PCLO: variants seen among roughly 807,000 people sequenced by gnomAD.
PCLO encodes the protein protein piccolo.
A neutral mutation model predicts 427.5 loss-of-function variants in PCLO; 82 were observed. The observed-to-expected ratio is 0.19, with a 90% CI of 0.16 to 0.23. The LOEUF (loss-of-function observed/expected upper bound fraction) is 0.23. Among genes scored for constraint, PCLO ranks in the 10% least tolerant of loss-of-function variants. The pLI is 1.00. For missense variants in PCLO, 6,239 were observed against 6,115.9 expected (o/e 1.02, Z -0.67); for synonymous variants, 2,357 against 2,155.4 (o/e 1.09, Z -2.59).
Position 83,135,203 on chromosome 7 carries a change from C to T in PCLO, c.2347G>A (p.Val783Ile). Residue 783 changes from valine to isoleucine, a missense_variant, in exon 3 of 25, where the codon GTA becomes ATA. Transcript: ENST00000333891. ...GTTTTCTCTTCAGCTTGTGACTGTA[C>T]TTTGGAGCTTGGAATATCAGGTTTT... ...TTKPDIPSSK[V>I]QSQAEEKTTP... The T allele has an allele frequency of 6.2e-7, 1 of 1,613,784 alleles. No homozygotes were observed. Among genetic ancestry groups the T allele is most frequent in the South Asian group, 1.1e-5 (1 of 91,066 alleles).
intron 3 of PCLO, among the ~76,000 whole-genome samples, chr7:83,102,479 T>C (rs1010922465): frequency 6.6e-6 from 1 of 151,930 alleles, no homozygotes; most frequent in African/African-American, 2.4e-5. Context: ...CACACAAATA[T>C]ATAGAATACT....
intron 9 of PCLO, among the ~76,000 whole-genome samples, chr7:82,896,165 T>G (rs1175161573): frequency 6.6e-6 from 1 of 151,866 alleles, no homozygotes; most frequent in Non-Finnish European, 1.5e-5. Context: ...AACCAGAAAT[T>G]TTATGTCTAG....
At position 82,954,288 on chromosome 7, in the gene PCLO, T is replaced by C; in HGVS notation, c.6665A>G (p.Asp2222Gly). 1 of 1,613,760 alleles carries C rather than the reference T, an allele frequency of 6.2e-7. No homozygotes were observed. The highest frequency in any genetic ancestry group is 1.3e-5 in the African/African-American group (1 of 75,046). Residue 2222 changes from aspartate (D) to glycine (G), a missense_variant, in exon 5 of 25, where the codon GAT becomes GGT. Transcript: ENST00000333891. ...AGTTGATGAAGAAATTTCCTCAGAA[T>C]CTTCAAATTTAGTTATCATGTCCAC... ...EPVDMITKFE[D>G]SEEISSSTYF...
At chr7:82,899,452 T>A (rs74445322) in intron 9 of PCLO, among the ~76,000 whole-genome samples, 5,085 of 151,532 alleles carry the variant, frequency 0.034, 301 homozygotes, top group African/African-American at 0.11. Context: ...AGAAGTAGAA[T>A]ATAAAATGCA....
In PCLO at chr7:83,155,694, G is replaced by A; in HGVS notation, c.947C>T (p.Ala316Val). 5 of 1,614,004 alleles carry A rather than the reference G, an allele frequency of 3.1e-6. No homozygotes were observed. The highest frequency in any genetic ancestry group is 4.2e-6 in the Non-Finnish European group (5 of 1,179,868). Residue 316 changes from alanine (A) to valine (V), a missense_variant, in exon 2 of 25, where the codon GCA becomes GTA. By Grantham distance (64) the Ala-to-Val change is moderately conservative (BLOSUM62 0). Transcript: ENST00000333891. Reference protein sequence around the residue: ...IQQPTPGKPPAQQPGHEKSQP... With the variant: ...IQQPTPGKPPVQQPGHEKSQP... ...TGATTTTTCATGTCCAGGCTGCTGTGCTGGAGGTTTTCCAGGAGTTGGTTG... is the reference window on the plus strand; with the variant it reads ...TGATTTTTCATGTCCAGGCTGCTGTACTGGAGGTTTTCCAGGAGTTGGTTG...
chr7:82,953,246 T>G lies in PCLO; in HGVS notation c.7707A>C (p.Ser2569=). Residue 2569 remains serine, a synonymous_variant, in exon 5 of 25, where the codon TCA becomes TCC. Transcript: ENST00000333891. ...CTGTGAGGGATTTGGAAAATCTTGG[T>G]GAAGACTTGTTGGAGTGTGGGGAAA... is the stretch of plus-strand genomic sequence containing the variant. ...SPLSPHSNKS[S]PRFSKSLTET... 6.2e-7 allele frequency: 1 copy of G among 1,613,934 alleles called. No individual in the cohort carries two copies. The highest frequency in any genetic ancestry group is 8.5e-7 in the Non-Finnish European group (1 of 1,179,844).
Position 82,965,824 on chromosome 7 carries a change from G to T in PCLO, c.3964C>A (p.Gln1322Lys), listed in dbSNP as rs1424861906. 1.2e-6 allele frequency: 2 copies of T among 1,613,718 alleles called. No individual in the cohort carries two copies. The highest frequency in any genetic ancestry group is 4.5e-5 in the East Asian group (2 of 44,876). ...KTTKTIKEQP[Q>K]PPCTAKPDQV... ...TCAGGTTTTGCTGTGCATGGTGGCT[G>T]TGGCTGTTCTTTTATTGTTTTGGTT... Residue 1322 changes from glutamine (Q) to lysine (K), a missense_variant, in exon 4 of 25, where the codon CAG becomes AAG. By Grantham distance (53) the Gln-to-Lys change is moderately conservative. This residue lies in a region of PCLO where 4,677 missense variants were observed against 4,468.4 expected (regional missense o/e 1.05). Transcript: ENST00000333891.
Position 82,846,568 on chromosome 7 carries a change from A to G in PCLO, c.13830T>C (p.Ala4610=). 6.2e-7 allele frequency: 1 copy of G among 1,600,068 alleles called. No individual in the cohort carries two copies. The highest frequency in any genetic ancestry group is 1.1e-5 in the South Asian group (1 of 89,900). The change falls in exon 12 of 25, where the codon GCT becomes GCC. Residue 4610 remains alanine, a splice_region_variant and synonymous_variant. Coordinates refer to ENST00000333891, the MANE Select transcript of PCLO (RefSeq NM_033026.6). ...TGAAACTAGATTTCTTTTACCTACC[A>G]GCTTTTGGTGGCTCATGAAGTTCCA... ...QHLELHEPPK[A]VDKAKSPGVD...
chr7:82,888,280 C>T (rs971890440), intron 9 of PCLO, among the ~76,000 whole-genome samples: 2 of 151,900 alleles, frequency 1.3e-5, no homozygotes, highest in South Asian at 2.1e-4. Flanking sequence ...TGGTCTTCCA[C>T]GAGAAGCAGA....
rs757269361 is a variant in PCLO, at chr7:83,134,811, A to G, written c.2739T>C (p.Thr913=). 3.7e-6 allele frequency: 6 copies of G among 1,613,690 alleles called. No homozygotes were observed. Among genetic ancestry groups the G allele is most frequent in the East Asian group, 2.2e-5 (1 of 44,876 alleles). Residue 913 remains threonine, a synonymous_variant, in exon 3 of 25, where the codon ACT becomes ACC. Transcript: ENST00000333891. The part of the protein sequence containing the change: ...RRFSLNLGSI[T]DAPKSQPTTP... ...TTGTAGGCTGTGATTTGGGGGCATC[A>G]GTAATACTTCCCAGATTCAGACTGA...
At chr7:82,959,790 A>AT (rs35580569) in intron 4 of PCLO, among the ~76,000 whole-genome samples, 13 of 151,986 alleles carry the variant, frequency 8.6e-5, no homozygotes, top group African/African-American at 2.9e-4. Context: ...TGCTGCAATG[A>AT]TTTTTTTTCC....
At chr7:83,142,574 T>C (rs1198913384) in intron 2 of PCLO, among the ~76,000 whole-genome samples, 4 of 152,230 alleles carry the variant, frequency 2.6e-5, no homozygotes, top group African/African-American at 4.8e-5. Flanking sequence ...AGTACCATTA[T>C]ACCCCGAACC....
chr7:82,958,269 A>G (rs1795575028), intron 4 of PCLO, among the ~76,000 whole-genome samples: 1 of 151,800 alleles, frequency 6.6e-6, no homozygotes, highest in Non-Finnish European at 1.5e-5. Context: ...TTGCACAACA[A>G]ACATACTCCT....
chr7:83,027,419 C>A (rs1366496606), intron 3 of PCLO, among the ~76,000 whole-genome samples: 2 of 152,020 alleles, frequency 1.3e-5, no homozygotes, highest in African/African-American at 2.4e-5. Flanking sequence ...GAAGTTGAAT[C>A]TCTGAATAGA....
intron 3 of PCLO, among the ~76,000 whole-genome samples, chr7:83,121,279 T>G (rs947576506): frequency 2.6e-5 from 4 of 152,196 alleles, no homozygotes; most frequent in African/African-American, 9.7e-5. Flanking sequence ...CTTGTTTGTT[T>G]GTTGTTGCTA....
chr7:82,918,397 T>G (rs1412056492), intron 6 of PCLO, among the ~76,000 whole-genome samples: 1 of 152,004 alleles, frequency 6.6e-6, no homozygotes, highest in East Asian at 1.9e-4. Flanking sequence ...ATCTCTATAT[T>G]TCTATAGAAA....
At chr7:83,135,852 C>A (rs1382921904) in intron 2 of PCLO, among the ~76,000 whole-genome samples, 196 bp from the exon 3 acceptor site, 1 of 152,004 alleles carries the variant, frequency 6.6e-6, no homozygotes, top group African/African-American at 2.4e-5. Flanking sequence ...GTAATCCCAG[C>A]ACATTGGGAG....
At chr7:83,071,604 G>A (rs185831688) in intron 3 of PCLO, among the ~76,000 whole-genome samples, 1 of 152,118 alleles carries the variant, frequency 6.6e-6, no homozygotes. Flanking sequence ...CAGTCAGGCA[G>A]ATGGGAGCAC....
At chr7:82,821,685 C>T (rs1791795868) in intron 20 of PCLO, 2 of 978,396 alleles carry the variant, frequency 2.0e-6, no homozygotes, top group Non-Finnish European at 2.4e-6. Flanking sequence ...CTTATAGCTA[C>T]CAGACATAGT....
Sources: allele counts gnomAD v4.1 joint callset (sites outside exome capture counted in the v4.1 genomes callset), GRCh38; gene constraint gnomAD v4.1.1; regional missense constraint gnomAD v4.1.1; transcripts MANE v1.5; gene names NCBI Gene and HGNC (gene_info 2026-07-23, HGNC 2026-07-21).